The following SLC47A2 variants were observed in gnomAD, a reference collection of about 807,000 sequenced individuals.
The protein encoded by SLC47A2 is multidrug and toxin extrusion protein 2.
A neutral mutation model predicts 67.7 loss-of-function variants in SLC47A2; 52 were observed. The observed-to-expected ratio is 0.77, with a 90% CI of 0.61 to 0.97. The LOEUF (loss-of-function observed/expected upper bound fraction) is 0.97, where lower values mean the gene tolerates loss of function less well. Ranked by LOEUF, SLC47A2 falls within the 50% of genes least tolerant of loss-of-function variation. The pLI, the probability that SLC47A2 is intolerant of heterozygous loss-of-function variation, is 0.00. For synonymous variants in SLC47A2, 278 were observed against 292.9 expected, an observed-to-expected ratio of 0.95 and a Z score of 0.52; for missense variants, 676 against 712.3, an observed-to-expected ratio of 0.95 and a Z score of 0.58.
At chr17:19,692,143 G>A (rs142596171) in intron 13 of SLC47A2, 17,979 of 338,892 alleles carry the variant, frequency 0.053, 573 homozygotes, top group African/African-American at 0.082. Flanking sequence ...CAGGAGAATC[G>A]CTTGAACTCG....
intron 13 of SLC47A2, chr17:19,702,385 A>G (rs984291285): frequency 1.2e-5 from 12 of 985,332 alleles, no homozygotes; most frequent in Non-Finnish European, 1.3e-5. Flanking sequence ...GCTAATCTGC[A>G]TTCACTTTTG....
intron 15 of SLC47A2, among the ~76,000 whole-genome samples, chr17:19,680,778 G>C (rs969530546): frequency 6.6e-6 from 1 of 152,156 alleles, no homozygotes; most frequent in African/African-American, 2.4e-5. Context: ...ACTAGTTTGA[G>C]TTCTTTGCGT....
At chr17:19,704,267 C>A (rs2085867219) in intron 10 of SLC47A2, 89 bp from the exon 11 acceptor site, 4 of 1,055,020 alleles carry the variant, frequency 3.8e-6, no homozygotes, top group Non-Finnish European at 5.4e-6. Context: ...GGGACGTGAG[C>A]GGGAAGGCAG....
In SLC47A2 at chr17:19,702,644, C is replaced by G. The variant is rs1225946466; in HGVS notation, c.1125G>C (p.Leu375Phe). 2 of 1,614,038 alleles carry G rather than the reference C, an allele frequency of 1.2e-6. No individual in the cohort carries two copies. Among genetic ancestry groups the G allele is most frequent in the Non-Finnish European group, 1.7e-6 (2 of 1,179,996 alleles). The change falls in exon 13 of 17, where the codon TTG becomes TTC. Residue 375 changes from leucine (L) to phenylalanine (F), a missense_variant. Leu to Phe is a conservative substitution (Grantham distance 22). Coordinates refer to ENST00000433844, the MANE Select transcript of SLC47A2 (RefSeq NM_001099646.3). ...ACACGTGAAAGACACTATAAACCGGCAAGACCTGGCTCACCAGGGCAATGA... is the reference window on the plus strand; with the variant it reads ...ACACGTGAAAGACACTATAAACCGGGAAGACCTGGCTCACCAGGGCAATGA... ...EDVIALVSQV[L>F]PVYSVFHVFE...
intron 15 of SLC47A2, 93 bp downstream of exon 15, chr17:19,681,274 G>T: frequency 2.0e-6 from 2 of 1,024,182 alleles, no homozygotes; most frequent in Non-Finnish European, 2.8e-6. Context: ...GCCAAGTTCT[G>T]ATGTGCTCTG....
intron 5 of SLC47A2, among the ~76,000 whole-genome samples, chr17:19,711,588 C>CAA (rs35308426): frequency 0.019 from 629 of 32,984 alleles, 81 homozygotes; most frequent in Middle Eastern, 0.045. Flanking sequence ...AACTCCGTCT[C>CAA]AAAAAAAAAA....
At chr17:19,692,394 G>T in intron 13 of SLC47A2, 1 of 358,074 alleles carries the variant, frequency 2.8e-6, no homozygotes, top group Admixed American at 4.3e-5. Flanking sequence ...GAAAATTAAA[G>T]GAAATATGAA....
At position 19,703,267 on chromosome 17, in the gene SLC47A2, C is replaced by T; in HGVS notation, c.1019-100G>A. 4 of 1,085,440 alleles carry T rather than the reference C, an allele frequency of 3.7e-6. No homozygotes were observed. In the South Asian group the frequency reaches 5.3e-5, roughly 14 times the overall value. 67.2% of individuals were successfully genotyped at this position (1,085,440 alleles called of 1,614,324 possible). ...GGCCCCTATGTCAGTGCAAGTCAGC[C>T]CAGCCCTCTGCAACCAGGTGCCTTT... On this transcript the variant is annotated intron_variant, in intron 11 of 16. Transcript: ENST00000433844.
At position 19,685,405 on chromosome 17, in the gene SLC47A2, C is replaced by T. The variant is rs946888192; in HGVS notation, c.1165-3735G>A. The stretch of plus-strand genomic sequence containing the variant: ...ACCACGTCTAGGAAGTGAGGAGCGT[C>T]TCTGCCTGGCCGCCCATCATCTGGG... On this transcript the variant is annotated intron_variant, in intron 13 of 16. Coordinates refer to ENST00000433844, the MANE Select transcript of SLC47A2 (RefSeq NM_001099646.3). This position sits in a 1 kb window ranked among gnomAD's most constrained non-coding sequence, Gnocchi z 4.5. Among the ~76,000 whole-genome samples the T allele has an allele frequency of 1.9e-4, 29 of 151,886 alleles. No homozygotes were observed. Among genetic ancestry groups the T allele is most frequent in the Admixed American group, 5.2e-4 (8 of 15,262 alleles).
At chr17:19,714,921 C>G (rs1218040493) in intron 2 of SLC47A2, 132 bp from the exon 3 acceptor site, 6 of 1,376,038 alleles carry the variant, frequency 4.4e-6, no homozygotes, top group Non-Finnish European at 6.1e-6. Context: ...GCTCAGCAGC[C>G]TCATGTGCTG....
At chr17:19,714,044 GGGCT>G (rs2086182315) in intron 3 of SLC47A2, 71 bp from the exon 4 acceptor site, 2 of 1,540,470 alleles carry the variant, frequency 1.3e-6, no homozygotes, top group Non-Finnish European at 1.8e-6. Flanking sequence ...CGCGGGGAGC[GGGCT>G]GTCAGCGGCG....
At position 19,703,016 on chromosome 17, in the gene SLC47A2, A is replaced by G. The variant is rs2152349896; in HGVS notation, c.1094+76T>C. ...CTTTGGGCCCAGCACTGAGCCAGGA[A>G]TGTGATAAATCTGAGGACACACTGG... On this transcript the variant is annotated intron_variant, in intron 12 of 16. Coordinates refer to ENST00000433844, the MANE Select transcript of SLC47A2 (RefSeq NM_001099646.3). 4 of 1,468,090 alleles carry G rather than the reference A, an allele frequency of 2.7e-6. No homozygotes were observed. In the East Asian group the frequency reaches 6.9e-5, roughly 25 times the overall value. The allele number at this position is 1,468,090 out of a possible 1,614,324, so 90.9% of individuals were successfully genotyped here. A position where few individuals can be genotyped will look rare whatever the true frequency, so the allele number is the denominator to read the frequency against.
intron 3 of SLC47A2, 85 bp from the exon 4 acceptor site, chr17:19,714,058 G>GCCAGC (rs2086182940): frequency 6.6e-7 from 1 of 1,514,284 alleles, no homozygotes; most frequent in African/African-American, 1.4e-5. Context: ...TGTCAGCGGC[G>GCCAGC]CCAGCGGTGT....
At chr17:19,692,957 C>T (rs8068713) in intron 13 of SLC47A2, among the ~76,000 whole-genome samples, 1 of 151,748 alleles carries the variant, frequency 6.6e-6, no homozygotes, top group Non-Finnish European at 1.5e-5. Context: ...ATGGTGAAAT[C>T]CCATCTCTAC....
At chr17:19,707,985 C>T in intron 7 of SLC47A2, 142 bp from the exon 8 acceptor site, 2 of 831,222 alleles carry the variant, frequency 2.4e-6, no homozygotes, top group Non-Finnish European at 3.8e-6. Flanking sequence ...CAGACTCAAC[C>T]AGGGCCCACA....
chr17:19,680,251 G>A (rs1047230672), intron 15 of SLC47A2, among the ~76,000 whole-genome samples: 6 of 152,158 alleles, frequency 3.9e-5, no homozygotes, highest in Admixed American at 1.3e-4. Flanking sequence ...GCCGAGGCGG[G>A]TGGATTGCTG....
chr17:19,678,446 G>A lies in SLC47A2; in HGVS notation c.*240C>T, dbSNP rs1270447351. ...ACTCTGACTCGTGCAGTTGGCTGAT[G>A]TCTTCTGTAGAGCAGTCCAAGTCAC... On this transcript the variant is annotated 3_prime_UTR_variant, in exon 17 of 17. Coordinates refer to ENST00000433844, the MANE Select transcript of SLC47A2 (RefSeq NM_001099646.3). 3 of 539,718 alleles carry A rather than the reference G, an allele frequency of 5.6e-6. No homozygotes were observed. Among genetic ancestry groups the A allele is most frequent in the East Asian group, 3.0e-5 (1 of 33,858 alleles). The allele number at this position is 539,718 out of a possible 1,614,324, so 33.4% of individuals were successfully genotyped here.
chr17:19,690,235 T>G (rs1313432717), intron 13 of SLC47A2, among the ~76,000 whole-genome samples: 1 of 152,232 alleles, frequency 6.6e-6, no homozygotes, highest in Non-Finnish European at 1.5e-5. Context: ...AGAATGAAGC[T>G]AGACCCCTAT....
intron 5 of SLC47A2, among the ~76,000 whole-genome samples, chr17:19,709,253 C>A (rs1845561457): frequency 6.6e-6 from 1 of 152,204 alleles, no homozygotes; most frequent in South Asian, 2.1e-4. Flanking sequence ...GGTTCAAGAC[C>A]CTACGGGGGT....
Sources: gnomAD v4.1 joint callset for allele counts (sites outside exome capture counted in the v4.1 genomes callset) on GRCh38, gnomAD v4.1.1 for gene constraint, Gnocchi (gnomAD v3.1) non-coding constraint, MANE v1.5 for transcripts, NCBI Gene and HGNC (gene_info 2026-07-23, HGNC 2026-07-21) for gene names.